The following PTPRD variants were observed in gnomAD, a reference collection of about 807,000 sequenced individuals.
PTPRD encodes receptor-type tyrosine-protein phosphatase delta.
PTPRD carries 34 observed loss-of-function variants against 214.5 expected under a neutral mutation model. The observed-to-expected ratio is 0.16, with a 90% confidence interval of 0.12 to 0.21. PTPRD has a LOEUF of 0.21. Among genes scored for constraint, PTPRD ranks in the 10% least tolerant of loss-of-function variants. The probability of loss-of-function intolerance (pLI) is 1.00; values close to 1 mark genes in which losing one functional copy is unlikely to be tolerated. For synonymous variants in PTPRD, 1,128 were observed against 845.7 expected, an observed-to-expected ratio of 1.33 and a Z score of -5.79; for missense variants, 2,545 against 2,398.7, an observed-to-expected ratio of 1.06 and a Z score of -1.27.
At chr9:9,488,577 C>T (rs557258198) in intron 8 of PTPRD, among the ~76,000 whole-genome samples, 1 of 152,028 alleles carries the variant, frequency 6.6e-6, no homozygotes, top group Non-Finnish European at 1.5e-5. Flanking sequence ...AAAAATAAGG[C>T]TATTATTTTT....
intron 39 of PTPRD, among the ~76,000 whole-genome samples, chr9:8,348,329 C>G (rs1217746410): frequency 6.6e-6 from 1 of 152,086 alleles, no homozygotes; most frequent in Non-Finnish European, 1.5e-5. Context: ...TTGAATAATG[C>G]TTTATATAAG....
chr9:9,734,220 T>C (rs2761699), intron 7 of PTPRD, among the ~76,000 whole-genome samples: 87,235 of 151,992 alleles, frequency 0.57, 27,027 homozygotes, highest in African/African-American at 0.79. Context: ...TTTTACCGCA[T>C]AATCCTCTGT....
intron 9 of PTPRD, among the ~76,000 whole-genome samples, chr9:9,391,389 G>T (rs145981038): frequency 6.6e-6 from 1 of 152,120 alleles, no homozygotes; most frequent in African/African-American, 2.4e-5. Flanking sequence ...GACTTGATTT[G>T]ACTAATGGGT....
chr9:9,036,178 T>C (rs2099621133), intron 10 of PTPRD, among the ~76,000 whole-genome samples: 2 of 150,652 alleles, frequency 1.3e-5, no homozygotes, highest in African/African-American at 4.9e-5. Flanking sequence ...TGGATAGGAT[T>C]GCCCTCCTCA....
chr9:9,753,163 T>C (rs1055986080), intron 6 of PTPRD, among the ~76,000 whole-genome samples: 1 of 152,060 alleles, frequency 6.6e-6, no homozygotes, highest in African/African-American at 2.4e-5. Flanking sequence ...TATAGGACAT[T>C]TCCATGTGGT....
intron 8 of PTPRD, among the ~76,000 whole-genome samples, chr9:9,486,988 G>T (rs937616927): frequency 4.6e-5 from 7 of 152,204 alleles, no homozygotes; most frequent in African/African-American, 1.7e-4. Context: ...TCTGGTGCCA[G>T]TACCATATTA....
chr9:9,720,786 T>C (rs1033528064), intron 7 of PTPRD, among the ~76,000 whole-genome samples: 4 of 149,790 alleles, frequency 2.7e-5, no homozygotes, highest in Non-Finnish European at 5.9e-5. Context: ...ATGCGATATA[T>C]ATACACCATG....
At chr9:9,158,254 A>C (rs1731388807) in intron 10 of PTPRD, among the ~76,000 whole-genome samples, 1 of 152,112 alleles carries the variant, frequency 6.6e-6, no homozygotes, top group African/African-American at 2.4e-5. Flanking sequence ...TGCTGGGTCA[A>C]CTGGTATTTC....
At chr9:9,716,953 A>G (rs1298770317) in intron 7 of PTPRD, among the ~76,000 whole-genome samples, 2 of 152,214 alleles carry the variant, frequency 1.3e-5, no homozygotes, top group East Asian at 3.8e-4. Flanking sequence ...GGTAATGCCT[A>G]GGATGTCTTC....
At chr9:8,521,762 TAGACACACTAATACAAAAGTTGATTC>T (rs1222908743) in intron 19 of PTPRD, among the ~76,000 whole-genome samples, 3 of 152,178 alleles carry the variant, frequency 2.0e-5, no homozygotes, top group Non-Finnish European at 4.4e-5. Flanking sequence ...ATTGATATCT[TAGACACACTAATACAAAAGTTGATTC>T]AGACCTACAA....
At chr9:9,525,051 G>A (rs1343071388) in intron 8 of PTPRD, among the ~76,000 whole-genome samples, 5 of 152,236 alleles carry the variant, frequency 3.3e-5, no homozygotes, top group East Asian at 3.9e-4. Flanking sequence ...TAGAGACACC[G>A]TTTCACCATG....
intron 8 of PTPRD, among the ~76,000 whole-genome samples, chr9:9,428,893 CA>C (rs2082035913): frequency 6.6e-6 from 1 of 152,172 alleles, no homozygotes; most frequent in Non-Finnish European, 1.5e-5. Context: ...CTCTGGGACA[CA>C]TTTAAAGCAG....
At chr9:9,456,134 C>T (rs140957786) in intron 8 of PTPRD, among the ~76,000 whole-genome samples, 3 of 151,800 alleles carry the variant, frequency 2.0e-5, no homozygotes, top group Admixed American at 6.6e-5. Context: ...AAATCCAACA[C>T]ATAGAATATA....
At chr9:9,236,079 C>G (rs975990506) in intron 9 of PTPRD, among the ~76,000 whole-genome samples, 1 of 152,022 alleles carries the variant, frequency 6.6e-6, no homozygotes, top group South Asian at 2.1e-4. Context: ...GCCTGGCCAA[C>G]ATGGTGAAAC....
At chr9:8,795,207 C>T (rs2154514117) in intron 11 of PTPRD, among the ~76,000 whole-genome samples, 1 of 152,094 alleles carries the variant, frequency 6.6e-6, no homozygotes, top group South Asian at 2.1e-4. Context: ...CTCTGTCACC[C>T]AGGCTGGAGT....
At chr9:8,873,353 G>T (rs2098334892) in intron 11 of PTPRD, among the ~76,000 whole-genome samples, 1 of 152,072 alleles carries the variant, frequency 6.6e-6, no homozygotes, top group Admixed American at 6.6e-5. Flanking sequence ...CTGTCGTGTT[G>T]TATGTGGTTG....
intron 3 of PTPRD, among the ~76,000 whole-genome samples, chr9:10,276,409 A>T (rs1174331909): frequency 6.6e-6 from 1 of 152,212 alleles, no homozygotes; most frequent in Non-Finnish European, 1.5e-5. Context: ...TCAGTTGAAA[A>T]TGACAACTAA....
In PTPRD at chr9:9,321,708, G is replaced by A. The variant is rs78282508; in HGVS notation, c.-203+75741C>T. Among the ~76,000 whole-genome samples the A allele has an allele frequency of 5.1e-3, 775 of 152,142 alleles. 9 individuals are homozygous for A. Among genetic ancestry groups the A allele is most frequent in the African/African-American group, 0.017 (722 of 41,502 alleles). On this transcript the variant is annotated intron_variant, in intron 9 of 45. Transcript: ENST00000381196. The stretch of plus-strand genomic sequence containing the variant: ...ATCTAACTTTCCAGTATTTAGTAGC[G>A]ATGTAACATTAGCAAAGTTATTTAT...
intron 12 of PTPRD, among the ~76,000 whole-genome samples, chr9:8,704,290 C>A (rs574980559): frequency 9.1e-4 from 138 of 152,178 alleles, no homozygotes; most frequent in African/African-American, 3.2e-3. Context: ...TAAACTCCAG[C>A]CGAATTGGTT....
Sources: gnomAD v4.1 joint callset for allele counts (sites outside exome capture counted in the v4.1 genomes callset) on GRCh38, gnomAD v4.1.1 for gene constraint, MANE v1.5 for transcripts, NCBI Gene and HGNC (gene_info 2026-07-23, HGNC 2026-07-21) for gene names.